Variants in VPS41 observed in about 807,000 individuals in gnomAD.
The protein encoded by VPS41 is vacuolar protein sorting-associated protein 41 homolog.
In VPS41, 85 loss-of-function variants were observed where a neutral mutation model predicts 130.9. That is an observed-to-expected ratio of 0.65 (90% CI 0.55 to 0.78). The LOEUF is 0.78. Among genes scored for constraint, VPS41 ranks in the 30% least tolerant of loss-of-function variants. VPS41 has a pLI of 0.00. For synonymous variants in VPS41, 335 were observed against 332.9 expected, an observed-to-expected ratio of 1.01 and a Z score of -0.07; for missense variants, 874 against 1,018.7, an observed-to-expected ratio of 0.86 and a Z score of 1.93.
intron 2 of VPS41, among the ~76,000 whole-genome samples, chr7:38,876,352 T>C (rs529054883): frequency 1.4e-3 from 213 of 152,342 alleles, no homozygotes; most frequent in African/African-American, 5.0e-3. Flanking sequence ...GAATAGGTCA[T>C]AAAACCTGCT....
chr7:38,757,081 C>T, intron 18 of VPS41, 99 bp from the exon 19 acceptor site: 1 of 944,662 alleles, frequency 1.1e-6, no homozygotes, highest in South Asian at 1.6e-5. Context: ...GGAAACACTC[C>T]TTTAGAGAGA....
At chr7:38,730,762 G>A (rs1795646412) in intron 25 of VPS41, among the ~76,000 whole-genome samples, 1 of 152,020 alleles carries the variant, frequency 6.6e-6, no homozygotes, top group Admixed American at 6.6e-5. Context: ...TAAGAGTAAT[G>A]GTTTCAACCA....
At chr7:38,865,348 C>T (rs923014044) in intron 3 of VPS41, among the ~76,000 whole-genome samples, 2 of 152,018 alleles carry the variant, frequency 1.3e-5, no homozygotes, top group African/African-American at 2.4e-5. Context: ...AGTTGGTTTA[C>T]GTACAATGTT....
At chr7:38,770,427 AT>A (rs534243287) in intron 14 of VPS41, among the ~76,000 whole-genome samples, 1,969 of 143,464 alleles carry the variant, frequency 0.014, 26 homozygotes, top group African/African-American at 0.023. Flanking sequence ...TTTTGGCTGG[AT>A]TTTTTTTTTT....
chr7:38,842,323 G>A (rs575801452), intron 4 of VPS41, among the ~76,000 whole-genome samples: 9 of 152,002 alleles, frequency 5.9e-5, no homozygotes, highest in Admixed American at 2.0e-4. Flanking sequence ...CCCGACACAC[G>A]CTCGTCTTCT....
At chr7:38,865,021 A>G (rs1445025538) in intron 3 of VPS41, among the ~76,000 whole-genome samples, 1 of 152,146 alleles carries the variant, frequency 6.6e-6, no homozygotes, top group East Asian at 1.9e-4. Flanking sequence ...TCCTTTGGAC[A>G]ATGCAAAGGA....
At chr7:38,896,870 G>A (rs2116435479) in intron 2 of VPS41, among the ~76,000 whole-genome samples, 1 of 152,260 alleles carries the variant, frequency 6.6e-6, no homozygotes. Flanking sequence ...TTCTTCTTAT[G>A]AGTCCATCTA....
chr7:38,753,289 C>T (rs1489352187), intron 21 of VPS41, among the ~76,000 whole-genome samples: 1 of 152,066 alleles, frequency 6.6e-6, no homozygotes, highest in Admixed American at 6.6e-5. Context: ...TTTGTTATTG[C>T]TGTTGAATCT....
At chr7:38,848,499 A>G (rs1267651157) in intron 4 of VPS41, among the ~76,000 whole-genome samples, 2 of 152,198 alleles carry the variant, frequency 1.3e-5, no homozygotes, top group African/African-American at 4.8e-5. Flanking sequence ...TTCAAAAATA[A>G]TAGTTCTTCA....
At chr7:38,843,697 A>C (rs1584423505) in intron 4 of VPS41, among the ~76,000 whole-genome samples, 1 of 152,198 alleles carries the variant, frequency 6.6e-6, no homozygotes, top group East Asian at 1.9e-4. Flanking sequence ...AAAAAACAAA[A>C]AAAAAAACTG....
chr7:38,843,000 T>A (rs920290685), intron 4 of VPS41, among the ~76,000 whole-genome samples: 2 of 152,124 alleles, frequency 1.3e-5, no homozygotes, highest in Non-Finnish European at 2.9e-5. Context: ...TCATTCAGAG[T>A]CTGAGGCACA....
At chr7:38,906,139 T>A (rs1056893030) in intron 1 of VPS41, among the ~76,000 whole-genome samples, 1 of 152,042 alleles carries the variant, frequency 6.6e-6, no homozygotes, top group Non-Finnish European at 1.5e-5. Context: ...AAAAAAATGG[T>A]ATAATAAAGC....
intron 5 of VPS41, among the ~76,000 whole-genome samples, chr7:38,825,887 C>T (rs185399158): frequency 3.9e-5 from 6 of 152,338 alleles, no homozygotes; most frequent in African/African-American, 1.4e-4. Context: ...CACTGGGCAA[C>T]AGCCCTGATG....
At chr7:38,792,070 C>T (rs1191119152) in intron 9 of VPS41, among the ~76,000 whole-genome samples, 2 of 152,104 alleles carry the variant, frequency 1.3e-5, no homozygotes, top group Non-Finnish European at 2.9e-5. Context: ...ACTGGTATCT[C>T]GCTGGTCATG....
At chr7:38,817,203 G>A (rs1163177756) in intron 7 of VPS41, among the ~76,000 whole-genome samples, 1 of 152,106 alleles carries the variant, frequency 6.6e-6, no homozygotes, top group Non-Finnish European at 1.5e-5. Context: ...GTTTAAGTGT[G>A]CTTTTGTTAT....
intron 3 of VPS41, among the ~76,000 whole-genome samples, chr7:38,864,695 A>T (rs901703621): frequency 6.6e-6 from 1 of 152,072 alleles, no homozygotes. Context: ...ATAAATACAA[A>T]TTCTCAAATT....
chr7:38,894,702 T>C (rs1786944573), intron 2 of VPS41, among the ~76,000 whole-genome samples: 1 of 152,068 alleles, frequency 6.6e-6, no homozygotes, highest in Non-Finnish European at 1.5e-5. Flanking sequence ...AGGAGGTAAG[T>C]GCTATGCCCA....
chr7:38,860,857 G>C (rs879446450), intron 4 of VPS41, among the ~76,000 whole-genome samples: 11 of 151,954 alleles, frequency 7.2e-5, no homozygotes, highest in Admixed American at 2.0e-4. Flanking sequence ...TCACGAAAAA[G>C]CCATGGCCTA....
chr7:38,772,661 C>T lies in VPS41; in HGVS notation c.1013-24G>A, dbSNP rs780183305. On this transcript the variant is annotated intron_variant, in intron 12 of 28. Transcript: ENST00000310301. Reference sequence around the variant, plus strand: ...TTCTGTAGGTGAGAAAAGAGAGGAACGACTTGGTGACTGAACAGCAGAAAA... The same window carrying T: ...TTCTGTAGGTGAGAAAAGAGAGGAATGACTTGGTGACTGAACAGCAGAAAA... 80 of 1,542,568 alleles carry T rather than the reference C, an allele frequency of 5.2e-5. 1 individual carries two copies. The highest frequency in any genetic ancestry group is 1.5e-4 in the Admixed American group (9 of 59,050).
Sources: allele counts gnomAD v4.1 joint callset (sites outside exome capture counted in the v4.1 genomes callset), GRCh38; gene constraint gnomAD v4.1.1; transcripts MANE v1.5; gene names NCBI Gene and HGNC (gene_info 2026-07-23, HGNC 2026-07-21).